The following BAIAP2 variants were observed in gnomAD, a reference collection of about 807,000 sequenced individuals.
BAIAP2 encodes the protein BAR/IMD domain containing adaptor protein 2.
Under a neutral mutation model 63.0 loss-of-function variants are expected in BAIAP2, and 18 were observed. The ratio of observed to expected loss-of-function variants is 0.29; its 90% CI spans 0.20 to 0.42. The LOEUF (loss-of-function observed/expected upper bound fraction) is 0.42. BAIAP2 is among the 10% of genes least tolerant of loss of function. The probability of loss-of-function intolerance (pLI) is 1.00; values close to 1 mark genes in which losing one functional copy is unlikely to be tolerated. For missense variants in BAIAP2, 610 were observed against 734.3 expected (o/e 0.83, Z 1.96); for synonymous variants, 386 against 307.6 (o/e 1.25, Z -2.67).
chr17:81,039,466 C>G (rs1027737532), intron 1 of BAIAP2, among the ~76,000 whole-genome samples: 1 of 152,224 alleles, frequency 6.6e-6, no homozygotes, highest in Non-Finnish European at 1.5e-5. Context: ...GCCAGGCGTT[C>G]TGGGATGTGG....
At chr17:81,078,169 CG>C (rs2053993086) in intron 3 of BAIAP2, among the ~76,000 whole-genome samples, 1 of 127,390 alleles carries the variant, frequency 7.8e-6, no homozygotes, top group African/African-American at 2.9e-5. Flanking sequence ...GCTGTGGGTG[CG>C]GGTGCCGTAT....
intron 1 of BAIAP2, among the ~76,000 whole-genome samples, chr17:81,052,095 C>T (rs1478022585): frequency 1.3e-5 from 2 of 152,254 alleles, no homozygotes; most frequent in Non-Finnish European, 2.9e-5. Context: ...CCACCTCTTC[C>T]TCTTCCTGCC....
At chr17:81,106,928 C>A in intron 12 of BAIAP2, 21 bp downstream of exon 12, 1 of 1,486,492 alleles carries the variant, frequency 6.7e-7, no homozygotes, top group South Asian at 1.4e-5. Flanking sequence ...GGGGCCGGGG[C>A]TGGGAGGGGC....
intron 1 of BAIAP2, among the ~76,000 whole-genome samples, chr17:81,038,578 G>A (rs912828080): frequency 1.1e-4 from 17 of 152,360 alleles, no homozygotes; most frequent in African/African-American, 3.8e-4. Flanking sequence ...CCAGCCTGGC[G>A]GGGCCGCAGC....
At chr17:81,065,640 C>T (rs1319355893) in intron 3 of BAIAP2, among the ~76,000 whole-genome samples, 1 of 152,246 alleles carries the variant, frequency 6.6e-6, no homozygotes, top group African/African-American at 2.4e-5. Flanking sequence ...CTGCCTATGG[C>T]CCAGGCCCTC....
chr17:81,038,059 G>A (rs989672658), intron 1 of BAIAP2, among the ~76,000 whole-genome samples: 3 of 152,234 alleles, frequency 2.0e-5, no homozygotes, highest in Admixed American at 1.3e-4. Flanking sequence ...CACTGCGTGG[G>A]CTGGGCCCTG....
intron 7 of BAIAP2, among the ~76,000 whole-genome samples, chr17:81,102,543 G>A (rs564132474): frequency 1.3e-5 from 2 of 152,362 alleles, no homozygotes; most frequent in South Asian, 4.1e-4. Flanking sequence ...CAGCTGTGTT[G>A]CAATAAAACT....
At position 81,113,188 on chromosome 17, in the gene BAIAP2, C is replaced by T. The variant is rs142989542; in HGVS notation, c.1536-2582C>T. 1.1e-4 allele frequency among the ~76,000 whole-genome samples: 17 copies of T among 152,356 alleles called. No homozygotes were observed. In the East Asian group the frequency reaches 1.7e-3, roughly 16 times the overall value. On this transcript the variant is annotated intron_variant, in intron 13 of 13. Coordinates refer to ENST00000428708, the MANE Select transcript of BAIAP2 (RefSeq NM_001144888.2). ...TGCATTCTGAGGCCAGCGCCCTGCC[C>T]GCCCAACAGCTCCCCCACACATGAC...
At chr17:81,042,667 G>A (rs970007219) in intron 1 of BAIAP2, among the ~76,000 whole-genome samples, 2 of 152,074 alleles carry the variant, frequency 1.3e-5, no homozygotes, top group African/African-American at 2.4e-5. Flanking sequence ...AATGCGCTGG[G>A]GTAGCACAGG....
At chr17:81,095,493 A>T (rs1204921913) in intron 6 of BAIAP2, among the ~76,000 whole-genome samples, 3 of 152,068 alleles carry the variant, frequency 2.0e-5, no homozygotes, top group African/African-American at 7.2e-5. Context: ...GCCTCTCTGT[A>T]TGAGGAGTCA....
At chr17:81,078,986 C>T (rs1434330493) in intron 3 of BAIAP2, among the ~76,000 whole-genome samples, 1 of 152,114 alleles carries the variant, frequency 6.6e-6, no homozygotes, top group Non-Finnish European at 1.5e-5. Context: ...CCAGGCTCAG[C>T]CTGCAGGAGA....
intron 3 of BAIAP2, among the ~76,000 whole-genome samples, chr17:81,082,554 A>G (rs1429311951): frequency 6.6e-6 from 1 of 152,188 alleles, no homozygotes; most frequent in Non-Finnish European, 1.5e-5. Context: ...TGTTCTCTGG[A>G]GAAGCAGCCA....
intron 1 of BAIAP2, chr17:81,036,812 T>C (rs891442658): frequency 6.9e-7 from 1 of 1,445,524 alleles, no homozygotes; most frequent in Admixed American, 2.0e-5. Context: ...GGGAGGGAGG[T>C]TTATTAAATT....
chr17:81,053,327 G>C, intron 1 of BAIAP2: 1 of 269,580 alleles, frequency 3.7e-6, no homozygotes, highest in Non-Finnish European at 7.1e-6. Flanking sequence ...CGCGCCAATG[G>C]GAACGGCACC....
chr17:81,037,214 T>G (rs989748181), intron 1 of BAIAP2, among the ~76,000 whole-genome samples: 25 of 152,238 alleles, frequency 1.6e-4, no homozygotes, highest in African/African-American at 6.0e-4. Context: ...GGTGGGTTAA[T>G]TGGTGATTTT....
intron 3 of BAIAP2, among the ~76,000 whole-genome samples, chr17:81,059,649 C>T (rs2050207683): frequency 6.6e-6 from 1 of 151,900 alleles, no homozygotes; most frequent in Admixed American, 6.6e-5. Flanking sequence ...AAAGGTCTTA[C>T]TGTGTTGCCC....
chr17:81,108,808 C>G, intron 13 of BAIAP2: 2 of 1,217,266 alleles, frequency 1.6e-6, no homozygotes, highest in Non-Finnish European at 1.1e-6. Flanking sequence ...GCAGCCTCCT[C>G]TGCCCCAATC....
intron 13 of BAIAP2, among the ~76,000 whole-genome samples, chr17:81,113,125 A>G (rs1007140704): frequency 7.2e-5 from 11 of 152,184 alleles, no homozygotes; most frequent in African/African-American, 1.2e-4. Flanking sequence ...GGGGCCTCTG[A>G]GGGGAGGCTC....
rs2049832188 is a variant in BAIAP2 at position 81,057,750 on chromosome 17, C to T, written c.131-131C>T. On this transcript the variant is annotated intron_variant, in intron 2 of 13. Transcript: ENST00000428708. Reference sequence around the variant, plus strand: ...GTCCAACCCAGAAATCACAGCGAGTCGAGTATTCTCCCAGCTTGTCTGGGC... The same window carrying T: ...GTCCAACCCAGAAATCACAGCGAGTTGAGTATTCTCCCAGCTTGTCTGGGC... The T allele has an allele frequency of 2.4e-5, 34 of 1,415,044 alleles. 1 individual carries two copies. The South Asian group carries it at 4.3e-4, about 18-fold the overall frequency. The allele number at this position is 1,415,044 out of a possible 1,614,324, so 87.7% of individuals were successfully genotyped here. A position where few individuals can be genotyped will look rare whatever the true frequency, so the allele number is the denominator to read the frequency against.
Sources: gnomAD v4.1 joint callset for allele counts (sites outside exome capture counted in the v4.1 genomes callset) on GRCh38, gnomAD v4.1.1 for gene constraint, MANE v1.5 for transcripts, NCBI Gene and HGNC (gene_info 2026-07-23, HGNC 2026-07-21) for gene names.